The following CCSER1 variants were observed in gnomAD, a reference collection of about 807,000 sequenced individuals.
The protein encoded by CCSER1 is serine-rich coiled-coil domain-containing protein 1.
CCSER1 carries 41 observed loss-of-function variants against 82.0 expected under a neutral mutation model. The ratio of observed to expected loss-of-function variants is 0.50; its 90% CI spans 0.39 to 0.65. The LOEUF (loss-of-function observed/expected upper bound fraction) is 0.65. Ranked by LOEUF, CCSER1 falls within the 30% of genes least tolerant of loss-of-function variation. The pLI is 0.00. For missense variants in CCSER1, 1,119 were observed against 1,064.2 expected (o/e 1.05, Z -0.72); for synonymous variants, 414 against 383.9 (o/e 1.08, Z -0.92).
intron 1 of CCSER1, among the ~76,000 whole-genome samples, chr4:90,211,399 G>A (rs1322996591): frequency 1.3e-5 from 2 of 152,214 alleles, no homozygotes; most frequent in Non-Finnish European, 2.9e-5. Flanking sequence ...GAGAATGATT[G>A]CATAACTGGT....
intron 10 of CCSER1, among the ~76,000 whole-genome samples, chr4:91,379,727 A>C (rs555763234): frequency 6.6e-6 from 1 of 151,736 alleles, no homozygotes; most frequent in Non-Finnish European, 1.5e-5. Flanking sequence ...TCTTGAAGGG[A>C]TTTTTGTGTC....
At chr4:90,501,770 T>C (rs1398549189) in intron 5 of CCSER1, among the ~76,000 whole-genome samples, 1 of 152,194 alleles carries the variant, frequency 6.6e-6, no homozygotes, top group Non-Finnish European at 1.5e-5. Flanking sequence ...GATGATCTTT[T>C]CCTAAATATA....
At position 91,150,769 on chromosome 4, in the gene CCSER1, C is replaced by T. The variant is rs1361111819; in HGVS notation, c.2217+64775C>T. Among the ~76,000 whole-genome samples, 7 of 152,248 alleles carry T rather than the reference C, an allele frequency of 4.6e-5. No individual in the cohort carries two copies. In the South Asian group the frequency reaches 8.3e-4, roughly 18 times the overall value. ...TTGGTTCTGTTTATATGATGGATTA[C>T]ATTTATTGATTTGCATATGTTGAAC... is the stretch of plus-strand genomic sequence containing the variant. On this transcript the variant is annotated intron_variant, in intron 10 of 10. Coordinates refer to ENST00000509176, the MANE Select transcript of CCSER1 (RefSeq NM_001145065.2).
intron 3 of CCSER1, among the ~76,000 whole-genome samples, chr4:90,386,769 A>G (rs746871381): frequency 6.6e-6 from 1 of 152,286 alleles, no homozygotes. Flanking sequence ...GCTGTTTCCT[A>G]TTTTGGGAAT....
intron 9 of CCSER1, among the ~76,000 whole-genome samples, chr4:90,973,978 A>G (rs903583872): frequency 1.3e-5 from 2 of 151,598 alleles, no homozygotes; most frequent in Non-Finnish European, 3.0e-5. Context: ...TAAATACTGC[A>G]TGATCTCACT....
intron 10 of CCSER1, among the ~76,000 whole-genome samples, chr4:91,185,001 G>A (rs538626023): frequency 6.6e-6 from 1 of 152,152 alleles, no homozygotes; most frequent in East Asian, 1.9e-4. Flanking sequence ...ATATACTTCA[G>A]GGCCTTTACC....
At chr4:90,874,870 A>AC (rs1429174296) in intron 8 of CCSER1, among the ~76,000 whole-genome samples, 1 of 152,016 alleles carries the variant, frequency 6.6e-6, no homozygotes, top group Non-Finnish European at 1.5e-5. Context: ...ACATGGTGAA[A>AC]CCCCGTCTCC....
chr4:91,205,607 C>A (rs1281431682), intron 10 of CCSER1, among the ~76,000 whole-genome samples: 1 of 151,348 alleles, frequency 6.6e-6, no homozygotes, highest in Non-Finnish European at 1.5e-5. Flanking sequence ...TGACTGCTTT[C>A]TTTTCCTTCC....
intron 6 of CCSER1, among the ~76,000 whole-genome samples, chr4:90,651,033 T>C (rs1728656848): frequency 6.6e-6 from 1 of 152,212 alleles, no homozygotes; most frequent in Non-Finnish European, 1.5e-5. Context: ...TGTTTCTTCA[T>C]TTGTAGAATA....
At chr4:91,375,409 T>C (rs1164370033) in intron 10 of CCSER1, among the ~76,000 whole-genome samples, 2 of 152,144 alleles carry the variant, frequency 1.3e-5, no homozygotes, top group Non-Finnish European at 2.9e-5. Context: ...TCGGTTCCAC[T>C]TTTGAAAGAA....
chr4:90,866,719 C>T (rs1765772150), intron 8 of CCSER1, among the ~76,000 whole-genome samples: 1 of 152,014 alleles, frequency 6.6e-6, no homozygotes, highest in Non-Finnish European at 1.5e-5. Context: ...TCTGCAGCAG[C>T]AGTTCCCAAA....
chr4:91,136,529 T>A (rs1044906765), intron 10 of CCSER1, among the ~76,000 whole-genome samples: 27 of 152,308 alleles, frequency 1.8e-4, no homozygotes, highest in African/African-American at 6.0e-4. Flanking sequence ...GTCTTTCTTT[T>A]CAATACTATT....
intron 4 of CCSER1, among the ~76,000 whole-genome samples, chr4:90,427,131 A>G (rs1757632409): frequency 1.3e-5 from 2 of 152,036 alleles, no homozygotes; most frequent in African/African-American, 2.4e-5. Flanking sequence ...CCAAAACTGT[A>G]TTCATGTGTT....
At chr4:90,857,231 A>T (rs998592488) in intron 8 of CCSER1, among the ~76,000 whole-genome samples, 1 of 152,082 alleles carries the variant, frequency 6.6e-6, no homozygotes, top group Admixed American at 6.6e-5. Context: ...GCTGGCCTGC[A>T]GTTGTCTCAG....
chr4:90,568,388 A>G (rs1779658653), intron 5 of CCSER1, among the ~76,000 whole-genome samples: 2 of 152,180 alleles, frequency 1.3e-5, no homozygotes, highest in Admixed American at 6.5e-5. Flanking sequence ...CTCTTGCTGA[A>G]TTGACCCCTT....
At position 90,841,886 on chromosome 4, in the gene CCSER1, G is replaced by T. The variant is rs144491163; in HGVS notation, c.2094+26041G>T. Among the ~76,000 whole-genome samples, 694 of 152,234 alleles carry T rather than the reference G, an allele frequency of 4.6e-3. 7 individuals are homozygous for T. Among genetic ancestry groups the T allele is most frequent in the African/African-American group, 0.016 (654 of 41,524 alleles). On this transcript the variant is annotated intron_variant, in intron 8 of 10. Transcript: ENST00000509176. ...TAAAAAACTGTGGTTTCTCTTCTCA[G>T]TTAATTCTTATAAGTTGCCCAATGA...
In CCSER1 at chr4:91,231,144, C is replaced by A. The variant is rs186501552; in HGVS notation, c.2217+145150C>A. Among the ~76,000 whole-genome samples, 142 of 151,714 alleles carry A rather than the reference C, an allele frequency of 9.4e-4. 4 individuals are homozygous for A. The East Asian group carries it at 0.027, about 29-fold the overall frequency. ...ACACATATTCATAAATATATACGCA[C>A]GACGGTATTCATTGTGGCATTAATC... On this transcript the variant is annotated intron_variant, in intron 10 of 10. Coordinates refer to ENST00000509176, the MANE Select transcript of CCSER1 (RefSeq NM_001145065.2).
At chr4:90,518,393 C>G (rs1237881753) in intron 5 of CCSER1, among the ~76,000 whole-genome samples, 1 of 152,010 alleles carries the variant, frequency 6.6e-6, no homozygotes, top group Non-Finnish European at 1.5e-5. Context: ...AACTTCATCA[C>G]ATAAAAATAT....
chr4:91,098,048 A>T (rs1234711197), intron 10 of CCSER1, among the ~76,000 whole-genome samples: 1 of 152,154 alleles, frequency 6.6e-6, no homozygotes, highest in Admixed American at 6.5e-5. Context: ...AAAAAGGCAG[A>T]TTGAAAATCA....
Sources: gnomAD v4.1 joint callset for allele counts (sites outside exome capture counted in the v4.1 genomes callset) on GRCh38, gnomAD v4.1.1 for gene constraint, MANE v1.5 for transcripts, NCBI Gene and HGNC (gene_info 2026-07-23, HGNC 2026-07-21) for gene names.